SLC36A1: variants seen among roughly 807,000 people sequenced by gnomAD.
SLC36A1 encodes proton-coupled amino acid transporter 1.
SLC36A1 carries 30 observed loss-of-function variants against 47.5 expected under a neutral mutation model. The ratio of observed to expected loss-of-function variants is 0.63; its 90% CI spans 0.47 to 0.86. SLC36A1 has a LOEUF of 0.86. SLC36A1 is among the 40% of genes least tolerant of loss of function. SLC36A1 has a pLI of 0.00. For missense variants in SLC36A1, 517 were observed against 606.0 expected, an observed-to-expected ratio of 0.85 and a Z score of 1.54; for synonymous variants, 255 against 249.7, an observed-to-expected ratio of 1.02 and a Z score of -0.20.
At chr5:151,446,840 C>T (rs1296432169), upstream of SLC36A1, among the ~76,000 whole-genome samples, 2 of 152,160 alleles carry the variant, frequency 1.3e-5, no homozygotes, top group African/African-American at 4.8e-5. Context: ...TCTAGTTGCT[C>T]TATCCATTGT....
the SLC36A1 span, among the ~76,000 whole-genome samples, chr5:151,536,857 G>C: frequency 6.6e-6 from 1 of 152,214 alleles, no homozygotes; most frequent in Non-Finnish European, 1.5e-5. Flanking sequence ...ATTTGGCTCT[G>C]CCCACCCTGG....
chr5:151,417,914 A>G, the SLC36A1 span, among the ~76,000 whole-genome samples: 6 of 152,226 alleles, frequency 3.9e-5, no homozygotes, highest in Admixed American at 3.9e-4. Context: ...CTAGGAGGGT[A>G]AAATGGTTTT....
intron 1 of SLC36A1, chr5:151,452,292 A>C (rs766029113): frequency 4.6e-5 from 7 of 152,182 alleles, no homozygotes; most frequent in Non-Finnish European, 1.0e-4. Flanking sequence ...TACTTCCCTC[A>C]CTGTAGACCA....
the SLC36A1 span, chr5:151,534,386 G>A: frequency 1.9e-6 from 3 of 1,561,304 alleles, no homozygotes; most frequent in Admixed American, 1.7e-5. Context: ...ATTGGAAATG[G>A]CCTCAATCCT....
the SLC36A1 span, among the ~76,000 whole-genome samples, chr5:151,384,629 A>T: frequency 1.3e-5 from 2 of 152,232 alleles, no homozygotes; most frequent in Non-Finnish European, 2.9e-5. Flanking sequence ...GGAGCTTCTC[A>T]TAGGTTATAT....
the SLC36A1 span, among the ~76,000 whole-genome samples, chr5:151,548,821 G>A: frequency 6.6e-6 from 1 of 152,004 alleles, no homozygotes; most frequent in Non-Finnish European, 1.5e-5. Context: ...TGACTTTCTG[G>A]CACAGGTAAG....
chr5:151,532,695 T>G, the SLC36A1 span, among the ~76,000 whole-genome samples: 1 of 126,766 alleles, frequency 7.9e-6, no homozygotes, highest in Non-Finnish European at 1.8e-5. Context: ...TCCAGCTTTG[T>G]CTCCAATTCT....
chr5:151,407,627 G>A, the SLC36A1 span, among the ~76,000 whole-genome samples: 37 of 152,322 alleles, frequency 2.4e-4, no homozygotes, highest in East Asian at 4.6e-3. Flanking sequence ...CAGAAGCCCA[G>A]CCGGCTTCAC....
the SLC36A1 span, chr5:151,545,719 T>G: frequency 1.2e-6 from 2 of 1,614,130 alleles, no homozygotes; most frequent in South Asian, 1.1e-5. Flanking sequence ...CTCCAAAATT[T>G]TATAGACCAA....
the SLC36A1 span, chr5:151,550,678 A>C: frequency 1.9e-6 from 3 of 1,614,176 alleles, no homozygotes; most frequent in Non-Finnish European, 2.5e-6. Context: ...GTCCAGCTGG[A>C]AGAGGCTGGC....
the SLC36A1 span, among the ~76,000 whole-genome samples, chr5:151,552,595 C>G: frequency 6.6e-6 from 1 of 152,184 alleles, no homozygotes; most frequent in Non-Finnish European, 1.5e-5. Flanking sequence ...ACACAACTTT[C>G]TGGGAAGAGG....
chr5:151,542,370 A>C, the SLC36A1 span: 1 of 1,614,190 alleles, frequency 6.2e-7, no homozygotes, highest in Non-Finnish European at 8.5e-7. Flanking sequence ...CGCCAGGCTC[A>C]CTGTTCTCAA....
At chr5:151,529,146 G>T in the SLC36A1 span, 5 of 1,592,390 alleles carry the variant, frequency 3.1e-6, no homozygotes, top group Admixed American at 3.3e-5. Context: ...CAGAGTTCTT[G>T]TCCCACAAAG....
upstream of SLC36A1, among the ~76,000 whole-genome samples, chr5:151,434,676 C>G (rs1759665405): frequency 6.6e-6 from 1 of 152,062 alleles, no homozygotes; most frequent in Admixed American, 6.5e-5. Flanking sequence ...AGGGGGATCT[C>G]TGGGAGGTAA....
rs933415871 is a variant in SLC36A1 at position 151,467,756 on chromosome 5, C to T, written c.554C>T (p.Thr185Met). Residue 185 changes from threonine to methionine, a missense_variant, in exon 7 of 11, where the codon ACG becomes ATG. By Grantham distance (81) the Thr-to-Met change is moderately conservative (BLOSUM62 -1). Coordinates refer to ENST00000243389, the MANE Select transcript of SLC36A1 (RefSeq NM_078483.4). ...GTTNNCHNNE[T>M]VILTPTMDSR... ...ACCAATAACTGCCACAACAATGAGA[C>T]GGTGATTCTGACGCCTACCATGGAC... 32 of 1,613,938 alleles carry T rather than the reference C, an allele frequency of 2.0e-5. No individual in the cohort carries two copies. The highest frequency in any genetic ancestry group is 2.7e-5 in the African/African-American group (2 of 74,888).
chr5:151,537,185 AAG>A, the SLC36A1 span, among the ~76,000 whole-genome samples: 3 of 151,578 alleles, frequency 2.0e-5, no homozygotes, highest in Non-Finnish European at 2.9e-5. Context: ...AGAAAGAAAG[AAG>A]AGAGAGAGAG....
chr5:151,458,867 G>A lies in SLC36A1; in HGVS notation c.75G>A (p.Pro25=), dbSNP rs200439772. 101 of 1,613,942 alleles carry A rather than the reference G, an allele frequency of 6.3e-5. No homozygotes were observed. The highest frequency in any genetic ancestry group is 8.0e-5 in the African/African-American group (6 of 74,926). The part of the protein sequence containing the change: ...SSTDVSPEES[P]SEGLNNLSSP... ...CGGACGTGAGCCCTGAGGAGAGCCC[G>A]TCGGAAGGCCTCAACAACCTCTCCT... Residue 25 remains proline (P), a synonymous_variant, in exon 2 of 11, where the codon CCG becomes CCA. Coordinates refer to ENST00000243389, the MANE Select transcript of SLC36A1 (RefSeq NM_078483.4).
intron 1 of SLC36A1, 110 bp from the exon 2 acceptor site, chr5:151,458,678 G>A (rs989018327): frequency 2.5e-5 from 30 of 1,212,196 alleles, no homozygotes; most frequent in Non-Finnish European, 2.2e-5. Flanking sequence ...TAGTGGAGCT[G>A]TCACAGTGAG....
the SLC36A1 span, among the ~76,000 whole-genome samples, chr5:151,401,368 T>C: frequency 6.6e-6 from 1 of 152,212 alleles, no homozygotes; most frequent in African/African-American, 2.4e-5. Context: ...TTCTCTGTTC[T>C]GTTCCATGGG....
Sources: allele counts gnomAD v4.1 joint callset (sites outside exome capture counted in the v4.1 genomes callset), GRCh38; gene constraint gnomAD v4.1.1; transcripts MANE v1.5; gene names NCBI Gene and HGNC (gene_info 2026-07-23, HGNC 2026-07-21).